PPP2CB: variants seen among roughly 807,000 people sequenced by gnomAD.
PPP2CB encodes the protein serine/threonine-protein phosphatase 2A catalytic subunit beta isoform.
PPP2CB carries 18 observed loss-of-function variants against 39.1 expected under a neutral mutation model. That is an observed-to-expected ratio of 0.46 (90% CI 0.32 to 0.68). The LOEUF (loss-of-function observed/expected upper bound fraction) is 0.68. PPP2CB is among the 30% of genes least tolerant of loss of function. The pLI, the probability that PPP2CB is intolerant of heterozygous loss-of-function variation, is 0.04. For synonymous variants in PPP2CB, 129 were observed against 133.8 expected, an observed-to-expected ratio of 0.96 and a Z score of 0.25; for missense variants, 226 against 396.9, an observed-to-expected ratio of 0.57 and a Z score of 3.66.
chr8:30,795,606 C>G (rs990774271), intron 3 of PPP2CB, among the ~76,000 whole-genome samples: 1 of 152,124 alleles, frequency 6.6e-6, no homozygotes, highest in Non-Finnish European at 1.5e-5. Context: ...ACTAGGCATA[C>G]GGTGTGAGTT....
intron 6 of PPP2CB, among the ~76,000 whole-genome samples, chr8:30,787,982 G>T (rs764464942): frequency 8.5e-5 from 13 of 152,282 alleles, no homozygotes; most frequent in Non-Finnish European, 1.5e-4. Flanking sequence ...CTGGCATATA[G>T]TTATTTATTG....
intron 1 of PPP2CB, 110 bp downstream of exon 1, chr8:30,812,209 AG>A: frequency 1.4e-6 from 1 of 692,670 alleles, no homozygotes; most frequent in East Asian, 4.6e-5. Flanking sequence ...ACAGCCCCGC[AG>A]GCCCCCGGTG....
chr8:30,787,110 A>G (rs995024303), intron 6 of PPP2CB, among the ~76,000 whole-genome samples: 2 of 152,218 alleles, frequency 1.3e-5, no homozygotes, highest in Non-Finnish European at 2.9e-5. Flanking sequence ...CCAACCTAGC[A>G]TTCCTGGGAT....
At chr8:30,811,997 C>T (rs891182702) in intron 1 of PPP2CB, among the ~76,000 whole-genome samples, 1 of 152,142 alleles carries the variant, frequency 6.6e-6, no homozygotes, top group Non-Finnish European at 1.5e-5. Flanking sequence ...CCCAGTGGAG[C>T]GCAGGCGACC....
At chr8:30,805,089 C>T (rs1363795472) in intron 1 of PPP2CB, among the ~76,000 whole-genome samples, 1 of 152,194 alleles carries the variant, frequency 6.6e-6, no homozygotes, top group Non-Finnish European at 1.5e-5. Flanking sequence ...ACAGTGGCAG[C>T]ATTCTGTCAA....
In PPP2CB at chr8:30,812,485, C is replaced by A; in HGVS notation, c.-64G>T. 1.6e-6 allele frequency: 2 copies of A among 1,239,894 alleles called. No individual in the cohort carries two copies. The highest frequency in any genetic ancestry group is 1.5e-5 in the South Asian group (1 of 64,832). 76.8% of individuals were successfully genotyped at this position (1,239,894 alleles called of 1,614,324 possible). ...GGCCGCCGCCCTCCCCCCTCCCCAC[C>A]CGCCCCCGGCCCCGGCCCGGGCGCC... is the stretch of plus-strand genomic sequence containing the variant. On this transcript the variant is annotated 5_prime_UTR_variant, in exon 1 of 7. Coordinates refer to ENST00000221138, the MANE Select transcript of PPP2CB (RefSeq NM_001009552.2).
At chr8:30,793,634 A>G in intron 5 of PPP2CB, 1 of 265,234 alleles carries the variant, frequency 3.8e-6, no homozygotes, top group Non-Finnish European at 7.1e-6. Context: ...AAAATGATAA[A>G]GCAAATATAG....
At chr8:30,807,490 T>G (rs1806743523) in intron 1 of PPP2CB, among the ~76,000 whole-genome samples, 1 of 152,232 alleles carries the variant, frequency 6.6e-6, no homozygotes. Context: ...TTTCCATCAG[T>G]TCAATATAAA....
At chr8:30,808,549 GATAGTTTATATAATT>G (rs1481609342) in intron 1 of PPP2CB, among the ~76,000 whole-genome samples, 1 of 152,188 alleles carries the variant, frequency 6.6e-6, no homozygotes, top group Admixed American at 6.5e-5. Flanking sequence ...AAGGATTAAA[GATAGTTTATATAATT>G]AGGTTTGACT....
At position 30,786,282 on chromosome 8, in the gene PPP2CB, G is replaced by T. The variant is rs1221758725; in HGVS notation, c.883C>A (p.Arg295Ser). Residue 295 changes from arginine (R) to serine (S), a missense_variant, in exon 7 of 7, where the codon CGT becomes AGT. This residue lies in a region of PPP2CB where 56 missense variants were observed against 92.0 expected (regional missense o/e 0.61). Transcript: ENST00000221138. ...CGCCGTGTAACATGAGGCTCACCACGACGAGGCGCTGGGTCAAATTGAAGG... is the reference window on the plus strand; with the variant it reads ...CGCCGTGTAACATGAGGCTCACCACTACGAGGCGCTGGGTCAAATTGAAGG... ...SFLQFDPAPR[R>S]GEPHVTRRTP... 4.4e-6 allele frequency: 7 copies of T among 1,579,334 alleles called. No homozygotes were observed. The highest frequency in any genetic ancestry group is 5.2e-6 in the Non-Finnish European group (6 of 1,162,054).
chr8:30,812,538 C>T lies in PPP2CB; in HGVS notation c.-117G>A, dbSNP rs1806859488. On this transcript the variant is annotated 5_prime_UTR_variant, in exon 1 of 7. Transcript: ENST00000221138. ...TCCCCTCTCCCTCCGCCGCCGTCGC[C>T]AGGTCCCACAGGGGGAGGACTGAGC... 1 of 613,544 alleles carries T rather than the reference C, an allele frequency of 1.6e-6. No individual in the cohort carries two copies. The highest frequency in any genetic ancestry group is 4.3e-5 in the Admixed American group (1 of 23,496). The allele number at this position is 613,544 out of a possible 1,614,324, so 38.0% of individuals were successfully genotyped here.
At position 30,786,096 on chromosome 8, in the gene PPP2CB, A is replaced by G. The variant is rs1490730411; in HGVS notation, c.*139T>C. 10 of 769,726 alleles carry G rather than the reference A, an allele frequency of 1.3e-5. No individual in the cohort carries two copies. Among genetic ancestry groups the G allele is most frequent in the Non-Finnish European group, 2.2e-5 (10 of 450,766 alleles). 47.7% of individuals were successfully genotyped at this position (769,726 alleles called of 1,614,324 possible). On this transcript the variant is annotated 3_prime_UTR_variant, in exon 7 of 7. Transcript: ENST00000221138. ...ATCATTAGTATGGCACATTTGGTCC[A>G]TGATGTGGTTTAATGCCAAGACAGA...
At chr8:30,806,800 AAAAGCAGGCAATG>A (rs1237960011) in intron 1 of PPP2CB, among the ~76,000 whole-genome samples, 1 of 152,232 alleles carries the variant, frequency 6.6e-6, no homozygotes, top group African/African-American at 2.4e-5. Flanking sequence ...ACACGGCAAT[AAAAGCAGGCAATG>A]AAAAGAAATT....
At chr8:30,798,556 T>C (rs1030227432) in intron 2 of PPP2CB, among the ~76,000 whole-genome samples, 2 of 152,200 alleles carry the variant, frequency 1.3e-5, no homozygotes, top group Non-Finnish European at 2.9e-5. Flanking sequence ...ATTACAGCCT[T>C]TGTGTGCAGT....
intron 3 of PPP2CB, 44 bp downstream of exon 3, chr8:30,797,537 C>A: frequency 6.6e-7 from 1 of 1,520,986 alleles, no homozygotes; most frequent in South Asian, 1.2e-5. Context: ...TCAATCTCTG[C>A]TTCCATTTAC....
rs1806329763 is a variant in PPP2CB at position 30,785,822 on chromosome 8, G to A, written c.*413C>T. ...AATTATACATTTCAATAAAATAAAG[G>A]ATAATGGATTAGTGGAAGTTAGCTT... On this transcript the variant is annotated 3_prime_UTR_variant, in exon 7 of 7. Coordinates refer to ENST00000221138, the MANE Select transcript of PPP2CB (RefSeq NM_001009552.2). The A allele has an allele frequency of 3.2e-6, 1 of 317,010 alleles. No individual in the cohort carries two copies. The highest frequency in any genetic ancestry group is 8.6e-5 in the East Asian group (1 of 11,570). 19.6% of individuals were successfully genotyped at this position (317,010 alleles called of 1,614,324 possible). A position where few individuals can be genotyped will look rare whatever the true frequency, so the allele number is the denominator to read the frequency against.
At chr8:30,791,971 T>TGC (rs1491467020) in intron 5 of PPP2CB, among the ~76,000 whole-genome samples, 63 of 88,122 alleles carry the variant, frequency 7.1e-4, no homozygotes, top group African/African-American at 5.5e-3. Context: ...TATACGTGTG[T>TGC]ATATGTGTAT....
Position 30,812,488 on chromosome 8 carries a change from C to CCCCCGG in PPP2CB, c.-73_-68dup, listed in dbSNP as rs1372854184. On this transcript the variant is annotated 5_prime_UTR_variant, in exon 1 of 7. Transcript: ENST00000221138. Reference sequence around the variant, plus strand: ...CGCCGCCCTCCCCCCTCCCCACCCGCCCCCGGCCCCGGCCCGGGCGCCGCT... The same window carrying CCCCCGG: ...CGCCGCCCTCCCCCCTCCCCACCCGCCCCCGGCCCCGGCCCCGGCCCGGGCGCCGCT... 1.6e-5 allele frequency: 19 copies of CCCCCGG among 1,211,654 alleles called. No individual in the cohort carries two copies. The highest frequency in any genetic ancestry group is 6.7e-5 in the East Asian group (2 of 30,064). 75.1% of individuals were successfully genotyped at this position (1,211,654 alleles called of 1,614,324 possible).
Position 30,785,647 on chromosome 8 carries a change from A to C in PPP2CB, c.*588T>G. 1 of 181,368 alleles carries C rather than the reference A, an allele frequency of 5.5e-6. No homozygotes were observed. Among genetic ancestry groups the C allele is most frequent in the Non-Finnish European group, 1.2e-5 (1 of 86,206 alleles). The allele number at this position is 181,368 out of a possible 1,614,324, so 11.2% of individuals were successfully genotyped here. ...TTTAAAATGAAAAGTTTATTTGCTGAGTACACCAAATAGGATGCAAGCACT... is the reference window on the plus strand; with the variant it reads ...TTTAAAATGAAAAGTTTATTTGCTGCGTACACCAAATAGGATGCAAGCACT... On this transcript the variant is annotated 3_prime_UTR_variant, in exon 7 of 7. Coordinates refer to ENST00000221138, the MANE Select transcript of PPP2CB (RefSeq NM_001009552.2).
Sources: allele counts gnomAD v4.1 joint callset (sites outside exome capture counted in the v4.1 genomes callset), GRCh38; gene constraint gnomAD v4.1.1; regional missense constraint gnomAD v4.1.1; transcripts MANE v1.5; gene names NCBI Gene and HGNC (gene_info 2026-07-23, HGNC 2026-07-21).